TBX15: variants seen among roughly 807,000 people sequenced by gnomAD.
TBX15 encodes T-box transcription factor TBX15.
A neutral mutation model predicts 53.9 loss-of-function variants in TBX15; 18 were observed. That is an observed-to-expected ratio of 0.33 (90% CI 0.23 to 0.49). The LOEUF is 0.49. Ranked by LOEUF, TBX15 falls within the 20% of genes least tolerant of loss-of-function variation. The pLI is 0.98. For missense variants in TBX15, 692 were observed against 749.5 expected (o/e 0.92, Z 0.90); for synonymous variants, 295 against 278.0 (o/e 1.06, Z -0.61).
rs146633081 is a variant in TBX15, at chr1:118,886,348, A to G, written c.1025-832T>C. Among the ~76,000 whole-genome samples, 774 of 152,272 alleles carry G rather than the reference A, an allele frequency of 5.1e-3. 10 individuals carry two copies. The highest frequency in any genetic ancestry group is 0.018 in the African/African-American group (733 of 41,544). Reference sequence around the variant, plus strand: ...GCCTTAAAGTGACCTGAGAGTCAGGAGATCTGGGTCTGCTCACAACTCTGC... The same window carrying G: ...GCCTTAAAGTGACCTGAGAGTCAGGGGATCTGGGTCTGCTCACAACTCTGC... On this transcript the variant is annotated intron_variant, in intron 7 of 7. Transcript: ENST00000369429.
chr1:118,901,408 C>A, intron 6 of TBX15: 1 of 456,600 alleles, frequency 2.2e-6, no homozygotes, highest in African/African-American at 2.0e-5. Flanking sequence ...AAGGTCCCAT[C>A]TCTTAACACT....
intron 1 of TBX15, among the ~76,000 whole-genome samples, chr1:118,944,645 G>C (rs982071963): frequency 6.6e-6 from 1 of 152,158 alleles, no homozygotes; most frequent in African/African-American, 2.4e-5. Flanking sequence ...TGCCAAAGTT[G>C]CTCCTACCCT....
intron 1 of TBX15, among the ~76,000 whole-genome samples, chr1:118,951,449 A>G (rs975212665): frequency 6.6e-6 from 1 of 152,168 alleles, no homozygotes; most frequent in African/African-American, 2.4e-5. Context: ...AGGGGTTTTG[A>G]GTAACAATAA....
At chr1:118,987,140 G>A (rs1255298117) in intron 1 of TBX15, among the ~76,000 whole-genome samples, 1 of 152,222 alleles carries the variant, frequency 6.6e-6, no homozygotes, top group Admixed American at 6.5e-5. Context: ...GGACGAGGTT[G>A]AAGGCTAAAT....
chr1:118,895,527 A>T (rs1486693450), intron 7 of TBX15, among the ~76,000 whole-genome samples: 1 of 151,944 alleles, frequency 6.6e-6, no homozygotes, highest in Non-Finnish European at 1.5e-5. Context: ...ACTGACCTGG[A>T]CTCTTATTTC....
At position 118,954,898 on chromosome 1, in the gene TBX15, C is replaced by T. The variant is rs536020020; in HGVS notation, c.206-23066G>A. 2.6e-5 allele frequency among the ~76,000 whole-genome samples: 4 copies of T among 152,278 alleles called. No homozygotes were observed. In the East Asian group the frequency reaches 7.7e-4, roughly 29 times the overall value. ...GCATACCCCTCAAGTTCCTTCAGAG[C>T]CTATCCCCACCATAAAGAGGGAAGA... On this transcript the variant is annotated intron_variant, in intron 1 of 7. Coordinates refer to ENST00000369429, the MANE Select transcript of TBX15 (RefSeq NM_001330677.2).
intron 6 of TBX15, 44 bp from the exon 7 acceptor site, chr1:118,899,169 A>G: frequency 6.4e-7 from 1 of 1,564,668 alleles, no homozygotes; most frequent in Non-Finnish European, 8.8e-7. Flanking sequence ...AATAATTTCA[A>G]GAAATGCATT....
At chr1:118,916,056 T>C (rs1655209166) in intron 5 of TBX15, among the ~76,000 whole-genome samples, 1 of 152,226 alleles carries the variant, frequency 6.6e-6, no homozygotes, top group African/African-American at 2.4e-5. Context: ...CCACTTATCA[T>C]TTATCATCAA....
chr1:118,973,326 C>T (rs1657299355), intron 1 of TBX15, among the ~76,000 whole-genome samples: 2 of 152,166 alleles, frequency 1.3e-5, no homozygotes, highest in East Asian at 3.9e-4. Flanking sequence ...AACCAGCTTT[C>T]TCTGCTTCTA....
chr1:118,986,752 C>A (rs1011078926), intron 1 of TBX15, among the ~76,000 whole-genome samples: 1 of 152,180 alleles, frequency 6.6e-6, no homozygotes, highest in African/African-American at 2.4e-5. Context: ...AACCAAGTTG[C>A]GAGCGTTGTA....
intron 1 of TBX15, among the ~76,000 whole-genome samples, chr1:118,975,977 G>A (rs562471757): frequency 3.9e-5 from 6 of 152,216 alleles, no homozygotes; most frequent in Non-Finnish European, 7.3e-5. Flanking sequence ...GAAGGAGGCT[G>A]AGGAAAGGAT....
intron 7 of TBX15, among the ~76,000 whole-genome samples, chr1:118,890,117 AGAGG>A (rs1654088421): frequency 6.6e-6 from 1 of 152,160 alleles, no homozygotes; most frequent in Admixed American, 6.5e-5. Context: ...TGTACATGCT[AGAGG>A]AACCTCCATC....
At chr1:118,902,760 C>T (rs563225431) in intron 6 of TBX15, among the ~76,000 whole-genome samples, 150 of 152,204 alleles carry the variant, frequency 9.9e-4, no homozygotes, top group Non-Finnish European at 1.9e-3. Flanking sequence ...GTCATTTCAC[C>T]TCCCATCTTT....
intron 6 of TBX15, among the ~76,000 whole-genome samples, chr1:118,913,429 T>C (rs761783709): frequency 6.6e-6 from 1 of 152,092 alleles, no homozygotes; most frequent in Non-Finnish European, 1.5e-5. Context: ...TAATTTTATA[T>C]AGGAGGAGTG....
intron 1 of TBX15, among the ~76,000 whole-genome samples, chr1:118,975,264 C>G (rs1657386703): frequency 1.3e-5 from 2 of 152,180 alleles, no homozygotes. Context: ...GCTTAGAAAA[C>G]AACCCTATAT....
At chr1:118,893,536 AAGAT>A (rs771943224) in intron 7 of TBX15, among the ~76,000 whole-genome samples, 1 of 133,002 alleles carries the variant, frequency 7.5e-6, no homozygotes, top group African/African-American at 3.6e-5. Context: ...GAAGGAAAGA[AAGAT>A]GGAAGGAAGG....
intron 5 of TBX15, among the ~76,000 whole-genome samples, chr1:118,922,893 G>A (rs898452735): frequency 6.6e-6 from 1 of 150,708 alleles, no homozygotes; most frequent in Non-Finnish European, 1.5e-5. Flanking sequence ...AAATTCTGAT[G>A]TTGAAATATT....
intron 1 of TBX15, among the ~76,000 whole-genome samples, chr1:118,939,438 A>AAAAAC (rs1656089561): frequency 1.4e-5 from 1 of 71,124 alleles, no homozygotes; most frequent in Non-Finnish European, 2.7e-5. Flanking sequence ...AAAAAAAAAC[A>AAAAAC]AAAACAGGAA....
At chr1:118,905,051 G>C (rs1351552687) in intron 6 of TBX15, among the ~76,000 whole-genome samples, 1 of 152,100 alleles carries the variant, frequency 6.6e-6, no homozygotes, top group Non-Finnish European at 1.5e-5. Context: ...AAAGTTTGAG[G>C]ACCATTGGTC....
Sources: gnomAD v4.1 joint callset for allele counts (sites outside exome capture counted in the v4.1 genomes callset) on GRCh38, gnomAD v4.1.1 for gene constraint, MANE v1.5 for transcripts, NCBI Gene and HGNC (gene_info 2026-07-23, HGNC 2026-07-21) for gene names.